Variants in SFXN5 observed in about 807,000 individuals in gnomAD.
SFXN5 encodes sideroflexin-5.
SFXN5 carries 43 observed loss-of-function variants against 50.2 expected under a neutral mutation model. The observed-to-expected ratio is 0.86, with a 90% CI of 0.67 to 1.11. The LOEUF (loss-of-function observed/expected upper bound fraction) is 1.11, where lower values mean the gene tolerates loss of function less well. Ranked by LOEUF, SFXN5 falls within the 50% of genes least tolerant of loss-of-function variation. SFXN5 has a pLI of 0.00. For missense variants in SFXN5, 463 were observed against 454.1 expected (o/e 1.02, Z -0.18); for synonymous variants, 203 against 185.8 (o/e 1.09, Z -0.75).
intron 2 of SFXN5, among the ~76,000 whole-genome samples, chr2:73,046,207 G>A (rs1680299385): frequency 6.6e-6 from 1 of 152,002 alleles, no homozygotes; most frequent in Admixed American, 6.6e-5. Flanking sequence ...TCAGGAGTTC[G>A]AGACCACCCT....
At chr2:73,040,283 C>G (rs1679457201) in intron 3 of SFXN5, among the ~76,000 whole-genome samples, 1 of 152,116 alleles carries the variant, frequency 6.6e-6, no homozygotes, top group Non-Finnish European at 1.5e-5. Context: ...TTCCCTTACC[C>G]CTCCCCAAAA....
At chr2:73,035,720 G>A (rs1392825614) in intron 3 of SFXN5, among the ~76,000 whole-genome samples, 1 of 151,924 alleles carries the variant, frequency 6.6e-6, no homozygotes, top group Non-Finnish European at 1.5e-5. Flanking sequence ...GGCTGGTCTC[G>A]AACTCCTGAC....
intron 13 of SFXN5, among the ~76,000 whole-genome samples, chr2:72,959,754 C>T (rs964726025): frequency 6.6e-6 from 1 of 152,136 alleles, no homozygotes; most frequent in African/African-American, 2.4e-5. Context: ...TCAGCGTCCT[C>T]GACATCTCTC....
chr2:73,000,466 C>T lies in SFXN5; in HGVS notation c.433G>A (p.Ala145Thr). 6.4e-7 allele frequency: 1 copy of T among 1,560,390 alleles called. No homozygotes were observed. The highest frequency in any genetic ancestry group is 8.7e-7 in the Non-Finnish European group (1 of 1,150,706). Residue 145 changes from alanine (A) to threonine (T), a missense_variant, in exon 8 of 14, where the codon GCC (alanine) becomes ACC (threonine). Coordinates refer to ENST00000272433, the MANE Select transcript of SFXN5 (RefSeq NM_144579.3). ...FWQWLNQSHN[A>T]CVNYANRNAT... is the part of the protein sequence containing the mutation. ...TTGCGGTTTGCATAGTTGACACAGGCATTGTGGCTCTGGTTCAGCCACTGA... is the reference window on the plus strand; with the variant it reads ...TTGCGGTTTGCATAGTTGACACAGGTATTGTGGCTCTGGTTCAGCCACTGA...
chr2:73,047,873 T>G (rs1285339504), intron 2 of SFXN5, among the ~76,000 whole-genome samples: 1 of 152,176 alleles, frequency 6.6e-6, no homozygotes, highest in African/African-American at 2.4e-5. Flanking sequence ...TCCAACGGAA[T>G]TAAAGGAAAA....
At chr2:72,976,158 G>C (rs1385707926) in intron 10 of SFXN5, among the ~76,000 whole-genome samples, 1 of 152,196 alleles carries the variant, frequency 6.6e-6, no homozygotes. Flanking sequence ...ACAGCTCACA[G>C]AGTGGTCTGC....
Position 72,987,553 on chromosome 2 carries a change from C to T in SFXN5, c.625+705G>A, listed in dbSNP as rs569089170. Among the ~76,000 whole-genome samples the T allele has an allele frequency of 8.6e-5, 13 of 151,632 alleles. No individual in the cohort carries two copies. In the South Asian group the frequency reaches 2.5e-3, roughly 29 times the overall value. ...CAGGTGGATCATGAGGTTAGGAGTT[C>T]GAGACCAGCCTGGCCAACATGGTGA... On this transcript the variant is annotated intron_variant, in intron 10 of 13. Transcript: ENST00000272433.
At chr2:72,982,758 G>A (rs1361560725) in intron 10 of SFXN5, among the ~76,000 whole-genome samples, 2 of 152,174 alleles carry the variant, frequency 1.3e-5, no homozygotes, top group East Asian at 3.9e-4. Context: ...GAGGGCAGAG[G>A]GTGCTTGAGG....
chr2:72,967,301 A>G (rs369987264), intron 12 of SFXN5: 1 of 152,352 alleles, frequency 6.6e-6, no homozygotes, highest in East Asian at 1.9e-4. Context: ...AAAAGGATGG[A>G]CGTGCCTCAT....
rs1673569225 is a variant in SFXN5 at position 72,998,881 on chromosome 2, C to T, written c.534+68G>A. The T allele has an allele frequency of 3.9e-6, 6 of 1,541,284 alleles. No individual in the cohort carries two copies. The South Asian group carries it at 4.6e-5, about 12-fold the overall frequency. On this transcript the variant is annotated intron_variant, in intron 9 of 13. Coordinates refer to ENST00000272433, the MANE Select transcript of SFXN5 (RefSeq NM_144579.3). ...GGCCTGGCCCTCAGACAAGCATCCA[C>T]CTGCAATGCTGAGCGGGGTGGCCCC...
At position 72,973,288 on chromosome 2, in the gene SFXN5, G is replaced by GGCTCTCCTGCCCCACAACAGGCAT. The variant is rs1224409719; in HGVS notation, c.626-1627_626-1604dup. 6 of 168,544 alleles carry GGCTCTCCTGCCCCACAACAGGCAT rather than the reference G, an allele frequency of 3.6e-5. No homozygotes were observed. Among genetic ancestry groups the GGCTCTCCTGCCCCACAACAGGCAT allele is most frequent in the African/African-American group, 1.4e-4 (6 of 41,500 alleles). The allele number at this position is 168,544 out of a possible 1,614,324, so 10.4% of individuals were successfully genotyped here. A position where few individuals can be genotyped will look rare whatever the true frequency, so the allele number is the denominator to read the frequency against. ...CCATGGGCAGTCCCTCTGTGTCCCG[G>GGCTCTCCTGCCCCACAACAGGCAT]GCTCTCCTGCCCCACAACAGGCATG... On this transcript the variant is annotated intron_variant, in intron 10 of 13. Transcript: ENST00000272433. The surrounding 1 kb of genome is among the most constrained non-coding windows in gnomAD (Gnocchi z 5.5).
chr2:73,006,617 C>T (rs887283841), intron 6 of SFXN5, among the ~76,000 whole-genome samples: 11 of 146,644 alleles, frequency 7.5e-5, no homozygotes, highest in Non-Finnish European at 1.4e-4. Context: ...GCCCAAAGAG[C>T]GAGATTATCT....
intron 1 of SFXN5, among the ~76,000 whole-genome samples, chr2:73,065,621 T>C (rs1683119073): frequency 6.6e-6 from 1 of 152,210 alleles, no homozygotes; most frequent in Admixed American, 6.5e-5. Context: ...GGTCTTGAAC[T>C]CCTGACCTCA....
intron 1 of SFXN5, among the ~76,000 whole-genome samples, chr2:73,067,209 T>C (rs1207706206): frequency 1.3e-5 from 2 of 152,200 alleles, no homozygotes; most frequent in Non-Finnish European, 2.9e-5. Flanking sequence ...GCAACCCAAG[T>C]TGAGGGACAC....
chr2:73,059,382 C>T (rs1023415955), intron 1 of SFXN5: 1 of 985,310 alleles, frequency 1.0e-6, no homozygotes, highest in African/African-American at 1.7e-5. Context: ...TGCCTCACTA[C>T]ACTCCGGGCT....
In SFXN5 at chr2:72,976,067, A is replaced by T. The variant is rs571006354; in HGVS notation, c.626-4382T>A. 7.2e-5 allele frequency among the ~76,000 whole-genome samples: 11 copies of T among 152,340 alleles called. No homozygotes were observed. The South Asian group carries it at 2.1e-3, about 29-fold the overall frequency. The stretch of plus-strand genomic sequence containing the variant: ...AAAGCTACTGAGTATGTACATGATG[A>T]TTTACTGTATGTAAAACCCTGTAAT... On this transcript the variant is annotated intron_variant, in intron 10 of 13. Coordinates refer to ENST00000272433, the MANE Select transcript of SFXN5 (RefSeq NM_144579.3).
chr2:72,978,849 C>T (rs12621323), intron 10 of SFXN5, among the ~76,000 whole-genome samples: 64,125 of 151,724 alleles, frequency 0.42, 16,386 homozygotes, highest in South Asian at 0.64. Context: ...GATTATAATA[C>T]AGATGAAGGT....
In SFXN5 at chr2:72,953,249, G is replaced by T. The variant is rs550413860; in HGVS notation, c.945+7882C>A. On this transcript the variant is annotated intron_variant, in intron 13 of 13. Transcript: ENST00000272433. The surrounding 1 kb of genome is among the most constrained non-coding windows in gnomAD (Gnocchi z 4.1). ...TGTGGGCAAACTCCAAGAAAGCAGC[G>T]GGCGGGGAGGCAGCAGATTTCTGAC... Among the ~76,000 whole-genome samples, 32 of 152,268 alleles carry T rather than the reference G, an allele frequency of 2.1e-4. 1 individual carries two copies. In the East Asian group the frequency reaches 3.5e-3, roughly 17 times the overall value.
intron 3 of SFXN5, among the ~76,000 whole-genome samples, chr2:73,030,493 G>A (rs368636638): frequency 6.6e-5 from 10 of 152,156 alleles, no homozygotes; most frequent in African/African-American, 1.2e-4. Context: ...ATGAGCCACC[G>A]TGCCCAGCCT....
Sources: allele counts gnomAD v4.1 joint callset (sites outside exome capture counted in the v4.1 genomes callset), GRCh38; gene constraint gnomAD v4.1.1; non-coding constraint Gnocchi (gnomAD v3.1); transcripts MANE v1.5; gene names NCBI Gene and HGNC (gene_info 2026-07-23, HGNC 2026-07-21).